MZT2A: variants seen among roughly 807,000 people sequenced by gnomAD.
MZT2A encodes mitotic spindle organizing protein 2A.
MZT2A carries 8 observed loss-of-function variants against 12.4 expected under a neutral mutation model. The observed-to-expected ratio is 0.64, with a 90% CI of 0.38 to 1.16. MZT2A has a LOEUF of 1.16. Among genes scored for constraint, MZT2A ranks in the 50% most tolerant of loss-of-function variants. MZT2A has a pLI of 0.01. For missense variants in MZT2A, 181 were observed against 223.6 expected, an observed-to-expected ratio of 0.81 and a Z score of 1.22; for synonymous variants, 88 against 107.5, an observed-to-expected ratio of 0.82 and a Z score of 1.12.
intron 2 of MZT2A, among the ~76,000 whole-genome samples, chr2:131,477,628 G>A (rs969938807): frequency 1.3e-5 from 2 of 150,976 alleles, no homozygotes; most frequent in African/African-American, 2.5e-5. Context: ...GCCAGAGGGC[G>A]AGGAAGGCCT....
Position 131,491,873 on chromosome 2 carries a change from G to A in MZT2A, c.319+3C>T, listed in dbSNP as rs1218755766. The A allele has an allele frequency of 5.4e-6, 8 of 1,482,406 alleles. No homozygotes were observed. Among genetic ancestry groups the A allele is most frequent in the Non-Finnish European group, 6.3e-6 (7 of 1,111,128 alleles). The allele number at this position is 1,482,406 out of a possible 1,614,324, so 91.8% of individuals were successfully genotyped here. Reference sequence around the variant, plus strand: ...GGGCAGGGACAGCGGGCCCAGCTCTGACCTCGGGTCTCGGGCACGCTCGAC... The same window carrying A: ...GGGCAGGGACAGCGGGCCCAGCTCTAACCTCGGGTCTCGGGCACGCTCGAC... On this transcript the variant is annotated splice_donor_region_variant and intron_variant, in intron 2 of 2. Coordinates refer to ENST00000309451, the MANE Select transcript of MZT2A (RefSeq NM_001085365.2).
At position 131,484,100 on chromosome 2, in the gene MZT2A, C is replaced by T. The variant is rs1678956765; in HGVS notation, c.438G>A (p.Gly146=). ...GCGTAGGGCTCTTCCCAGGCCCGCC[C>T]CCCTTGGGCAGCCTGGTAGCGCTGG... is the stretch of plus-strand genomic sequence containing the variant. ...RQPSATRLPK[G]GGPGKSPTQG... is the part of the protein sequence containing the mutation. The change falls in exon 3 of 3, where the codon GGG becomes GGA. Residue 146 remains glycine (G), a synonymous_variant. Transcript: ENST00000309451. The T allele has an allele frequency of 1.2e-6, 2 of 1,613,796 alleles. No homozygotes were observed. The highest frequency in any genetic ancestry group is 1.7e-6 in the Non-Finnish European group (2 of 1,179,784).
chr2:131,477,469 G>A (rs1428156376), intron 2 of MZT2A, among the ~76,000 whole-genome samples: 2 of 152,042 alleles, frequency 1.3e-5, no homozygotes, highest in Non-Finnish European at 2.9e-5. Context: ...TTATGAAGAG[G>A]GCAGCCTGCC....
At chr2:131,472,832 C>T (rs1292491182) in intron 2 of MZT2A, among the ~76,000 whole-genome samples, 2 of 152,042 alleles carry the variant, frequency 1.3e-5, no homozygotes, top group East Asian at 1.9e-4. Context: ...TGAAGAGCAC[C>T]GTGTGATGTG....
exon 4 of MZT2A, chr2:131,470,266 G>A (rs1704954321): frequency 1.9e-5 from 17 of 908,054 alleles, no homozygotes; most frequent in Non-Finnish European, 2.6e-5. Flanking sequence ...ACTCCTGCAG[G>A]GCCAGCTTTT....
chr2:131,490,094 G>T, intron 2 of MZT2A: 1 of 776,136 alleles, frequency 1.3e-6, no homozygotes, highest in Non-Finnish European at 1.6e-6. Context: ...AGCTCTGGGT[G>T]GCAGTGAGGT....
chr2:131,492,544 T>G, upstream of MZT2A: 61 of 1,132,990 alleles, frequency 5.4e-5, no homozygotes, highest in Non-Finnish European at 6.6e-5. Context: ...GCCCAACAGT[T>G]AGTGGGCGCT....
At chr2:131,480,161 G>T (rs1293568868), downstream of MZT2A, 1 of 1,613,744 alleles carries the variant, frequency 6.2e-7, no homozygotes, top group Non-Finnish European at 8.5e-7. Context: ...TCATGGAGCG[G>T]CTCTCAGTGG....
At chr2:131,480,055 G>C (rs199909958), downstream of MZT2A, 655 of 1,567,114 alleles carry the variant, frequency 4.2e-4, 2 homozygotes, top group African/African-American at 4.8e-3. Context: ...CTCACGTTGT[G>C]TGGTTTCTCT....
At chr2:131,488,764 C>T (rs1338670735) in intron 2 of MZT2A, among the ~76,000 whole-genome samples, 3 of 152,118 alleles carry the variant, frequency 2.0e-5, no homozygotes, top group South Asian at 2.1e-4. Context: ...CATGGGGCCT[C>T]GGTGCCCTCA....
downstream of MZT2A, chr2:131,482,641 G>C: frequency 6.2e-7 from 1 of 1,614,200 alleles, no homozygotes. Context: ...GCAACACCAC[G>C]GCCATTGCGG....
chr2:131,483,811 C>T, downstream of MZT2A: 1 of 769,816 alleles, frequency 1.3e-6, no homozygotes, highest in Non-Finnish European at 1.8e-6. Context: ...AATCCAGACA[C>T]CTTTCCTCAG....
At chr2:131,472,190 A>G (rs1046244231) in intron 2 of MZT2A, 2 of 1,284,560 alleles carry the variant, frequency 1.6e-6, no homozygotes, top group African/African-American at 3.0e-5. Flanking sequence ...AGCCTGTTTG[A>G]ATATGAGCAA....
chr2:131,470,412 C>T (rs1344597256), intron 3 of MZT2A: 1 of 1,244,392 alleles, frequency 8.0e-7, no homozygotes, highest in Non-Finnish European at 1.0e-6. Flanking sequence ...ATTTAGTTTA[C>T]ACTATATTAA....
chr2:131,470,632 T>C, intron 3 of MZT2A, among the ~76,000 whole-genome samples: 1 of 152,052 alleles, frequency 6.6e-6, no homozygotes, highest in Non-Finnish European at 1.5e-5. Flanking sequence ...GGCTCTGTAA[T>C]GCCAACCTCT....
upstream of MZT2A, chr2:131,492,880 C>A (rs1679406065): frequency 3.3e-6 from 5 of 1,502,018 alleles, no homozygotes; most frequent in Middle Eastern, 2.0e-4. Context: ...GCGCCAGAGG[C>A]CGCCACAACG....
At chr2:131,470,965 G>T (rs909387833) in intron 3 of MZT2A, among the ~76,000 whole-genome samples, 5 of 140,404 alleles carry the variant, frequency 3.6e-5, no homozygotes, top group Admixed American at 6.7e-5. Flanking sequence ...GCCACAAGTA[G>T]GACTTACCAC....
At chr2:131,492,796 G>GGC, upstream of MZT2A, 114 of 852,692 alleles carry the variant, frequency 1.3e-4, no homozygotes, top group Non-Finnish European at 1.9e-4. Context: ...GGGGTGGGGG[G>GGC]CACTAATCAA....
At chr2:131,482,762 G>C (rs755407175), downstream of MZT2A, 1 of 1,614,208 alleles carries the variant, frequency 6.2e-7, no homozygotes, top group South Asian at 1.1e-5. Flanking sequence ...TGAGGCCCGC[G>C]AGGACCTGGC....
Sources: gnomAD v4.1 joint callset for allele counts (sites outside exome capture counted in the v4.1 genomes callset) on GRCh38, gnomAD v4.1.1 for gene constraint, MANE v1.5 for transcripts, NCBI Gene and HGNC (gene_info 2026-07-23, HGNC 2026-07-21) for gene names.